The following AZIN1 variants were observed in gnomAD, a reference collection of about 807,000 sequenced individuals.
AZIN1 encodes the protein antizyme inhibitor 1.
A neutral mutation model predicts 47.4 loss-of-function variants in AZIN1; 12 were observed. The ratio of observed to expected loss-of-function variants is 0.25; its 90% confidence interval spans 0.16 to 0.41. The LOEUF (loss-of-function observed/expected upper bound fraction) is 0.41. AZIN1 is among the 10% of genes least tolerant of loss of function. The pLI is 1.00. For missense variants in AZIN1, 410 were observed against 532.4 expected, an observed-to-expected ratio of 0.77 and a Z score of 2.26; for synonymous variants, 155 against 176.3, an observed-to-expected ratio of 0.88 and a Z score of 0.96.
At chr8:102,847,415 AG>A in intron 2 of AZIN1, among the ~76,000 whole-genome samples, 1 of 151,926 alleles carries the variant, frequency 6.6e-6, no homozygotes, top group Non-Finnish European at 1.5e-5. Context: ...GCTCTCTTGA[AG>A]GCTTTGAGAT....
At chr8:102,840,070 C>A (rs931468634) in intron 3 of AZIN1, among the ~76,000 whole-genome samples, 30 of 152,080 alleles carry the variant, frequency 2.0e-4, no homozygotes, top group African/African-American at 6.3e-4. Flanking sequence ...AAAATATTCT[C>A]CCCTTTGAGA....
At chr8:102,845,455 A>G (rs1295517838) in intron 2 of AZIN1, among the ~76,000 whole-genome samples, 1 of 152,198 alleles carries the variant, frequency 6.6e-6, no homozygotes, top group Non-Finnish European at 1.5e-5. Flanking sequence ...ATCTAAATAG[A>G]CCTAATACCT....
chr8:102,845,974 G>A (rs1477861163), intron 2 of AZIN1, among the ~76,000 whole-genome samples: 3 of 152,002 alleles, frequency 2.0e-5, no homozygotes, highest in African/African-American at 4.8e-5. Flanking sequence ...GCTTAAAGTC[G>A]CAGTTTCCAA....
chr8:102,836,229 C>T, intron 6 of AZIN1, 27 bp downstream of exon 6: 1 of 1,604,788 alleles, frequency 6.2e-7, no homozygotes, highest in South Asian at 1.1e-5. Flanking sequence ...ATGTTCACAG[C>T]TTTAAAAGTT....
intron 2 of AZIN1, among the ~76,000 whole-genome samples, chr8:102,849,277 G>GC (rs1401617989): frequency 2.0e-5 from 3 of 152,084 alleles, no homozygotes; most frequent in Non-Finnish European, 4.4e-5. Context: ...TGGTGACAGA[G>GC]CAAGACTCCA....
At chr8:102,856,859 C>T (rs146044354) in intron 2 of AZIN1, among the ~76,000 whole-genome samples, 55 of 152,312 alleles carry the variant, frequency 3.6e-4, no homozygotes, top group African/African-American at 1.3e-3. Flanking sequence ...TGGATATAGA[C>T]TCTGATTCAG....
intron 2 of AZIN1, chr8:102,855,698 T>A (rs1813239871): frequency 6.6e-6 from 1 of 152,248 alleles, no homozygotes; most frequent in African/African-American, 2.4e-5. Flanking sequence ...ATAATTTCCA[T>A]GAAGCTGTTT....
At position 102,827,003 on chromosome 8, in the gene AZIN1, G is replaced by A. The variant is rs1021885829; in HGVS notation, c.*1564C>T. On this transcript the variant is annotated 3_prime_UTR_variant, in exon 12 of 12. Transcript: ENST00000337198. Reference sequence around the variant, plus strand: ...ATCAAAAAATATTAAGCACCTACTGGTTTAAGAGATTTAAATTTATTAGAG... The same window carrying A: ...ATCAAAAAATATTAAGCACCTACTGATTTAAGAGATTTAAATTTATTAGAG... 6.6e-6 allele frequency: 1 copy of A among 152,518 alleles called. No homozygotes were observed. Among genetic ancestry groups the A allele is most frequent in the Non-Finnish European group, 1.5e-5 (1 of 68,012 alleles). The allele number at this position is 152,518 out of a possible 1,614,324, so 9.4% of individuals were successfully genotyped here. A position where few individuals can be genotyped will look rare whatever the true frequency, so the allele number is the denominator to read the frequency against.
rs1812365970 is a variant in AZIN1, at chr8:102,843,630, G to A, written c.23C>T (p.Ala8Val). 4 of 1,613,904 alleles carry A rather than the reference G, an allele frequency of 2.5e-6. No individual in the cohort carries two copies. Among genetic ancestry groups the A allele is most frequent in the Non-Finnish European group, 3.4e-6 (4 of 1,179,902 alleles). Residue 8 changes from alanine to valine, a missense_variant, in exon 3 of 12, where the codon GCA becomes GTA. By Grantham distance (64) the Ala-to-Val change is moderately conservative. Around this residue, in one of 3 missense-constraint regions of AZIN1, gnomAD observed 237 missense variants for 309.4 expected, o/e 0.77. Transcript: ENST00000337198. ...ATCCAACAGGCCAACGGAGTAGTTT[G>A]CATCATCAATAAATCCTTTCATCTC... MKGFIDD[A>V]NYSVGLLDEG...
chr8:102,835,411 C>A (rs894601522), intron 6 of AZIN1: 7 of 152,326 alleles, frequency 4.6e-5, no homozygotes, highest in African/African-American at 1.7e-4. Flanking sequence ...GGAATGTTAT[C>A]TATTGTGTAA....
chr8:102,830,217 C>T, intron 9 of AZIN1: 1 of 226,038 alleles, frequency 4.4e-6, no homozygotes, highest in South Asian at 6.8e-5. Context: ...AAAACTCCAT[C>T]TCTACTAAAA....
chr8:102,860,819 C>G (rs1186170371), intron 1 of AZIN1, among the ~76,000 whole-genome samples: 1 of 152,194 alleles, frequency 6.6e-6, no homozygotes, highest in Non-Finnish European at 1.5e-5. Context: ...TGTAAAAACT[C>G]CAAACCCCAG....
In AZIN1 at chr8:102,830,126, C is replaced by G. The variant is rs536818671; in HGVS notation, c.905-190G>C. 2.9e-5 allele frequency: 14 copies of G among 480,750 alleles called. No homozygotes were observed. The South Asian group carries it at 3.5e-4, about 12-fold the overall frequency. The allele number at this position is 480,750 out of a possible 1,614,324, so 29.8% of individuals were successfully genotyped here. A position where few individuals can be genotyped will look rare whatever the true frequency, so the allele number is the denominator to read the frequency against. ...TAGGGCTGGATGCGGTGGCTCATACCTGTAATCCTAGCACTTTGTGAGGCT... is the reference window on the plus strand; with the variant it reads ...TAGGGCTGGATGCGGTGGCTCATACGTGTAATCCTAGCACTTTGTGAGGCT... On this transcript the variant is annotated intron_variant, in intron 9 of 11. Coordinates refer to ENST00000337198, the MANE Select transcript of AZIN1 (RefSeq NM_148174.4).
intron 9 of AZIN1, 55 bp from the exon 10 acceptor site, chr8:102,829,991 A>G: frequency 9.0e-7 from 1 of 1,105,760 alleles, no homozygotes; most frequent in Non-Finnish European, 1.4e-6. Flanking sequence ...GCTCATATGA[A>G]ACAAATTAAT....
intron 3 of AZIN1, 60 bp from the exon 4 acceptor site, chr8:102,839,883 CA>C (rs1373398394): frequency 1.8e-5 from 24 of 1,310,324 alleles, no homozygotes; most frequent in Non-Finnish European, 2.3e-5. Context: ...AATCAAGTAT[CA>C]AAACAGGAAA....
Position 102,829,866 on chromosome 8 carries a change from T to C in AZIN1, c.975A>G (p.Ala325=). The C allele has an allele frequency of 6.2e-7, 1 of 1,613,478 alleles. No homozygotes were observed. Among genetic ancestry groups the C allele is most frequent in the East Asian group, 2.2e-5 (1 of 44,860 alleles). ...YMNDGVYGSF[A]SKLSEDLNTI... is the part of the protein sequence containing the mutation. ...TATTTAAGTCCTCAGACAGTTTACT[T>C]GCAAAAGAACCATAAACACCATCAT... Residue 325 remains alanine, a synonymous_variant, in exon 10 of 12, where the codon GCA becomes GCG. Transcript: ENST00000337198.
intron 2 of AZIN1, among the ~76,000 whole-genome samples, chr8:102,853,286 T>A (rs1813041152): frequency 6.6e-6 from 1 of 152,212 alleles, no homozygotes; most frequent in Non-Finnish European, 1.5e-5. Flanking sequence ...AGGCGGATCA[T>A]GGGGTCAGGA....
intron 1 of AZIN1, among the ~76,000 whole-genome samples, chr8:102,862,646 T>C (rs965874631): frequency 3.3e-5 from 5 of 152,216 alleles, no homozygotes; most frequent in African/African-American, 1.2e-4. Context: ...ACTTTGTGCT[T>C]TGATGCACCT....
At chr8:102,833,619 G>T (rs541323748) in intron 8 of AZIN1, among the ~76,000 whole-genome samples, 11 of 152,218 alleles carry the variant, frequency 7.2e-5, no homozygotes, top group African/African-American at 2.6e-4. Context: ...AAATGCTAAA[G>T]TTGGCTGGGA....
Sources: allele counts gnomAD v4.1 joint callset (sites outside exome capture counted in the v4.1 genomes callset), GRCh38; gene constraint gnomAD v4.1.1; regional missense constraint gnomAD v4.1.1; transcripts MANE v1.5; gene names NCBI Gene and HGNC (gene_info 2026-07-23, HGNC 2026-07-21).